Variants in NRXN1 observed in about 807,000 individuals in gnomAD.
NRXN1 encodes the protein neurexin 1, also known as neurexin-1.
Under a neutral mutation model 150.9 loss-of-function variants are expected in NRXN1, and 39 were observed. That is an observed-to-expected ratio of 0.26 (90% CI 0.20 to 0.34). NRXN1 has a LOEUF of 0.34. Ranked by LOEUF, NRXN1 falls within the 10% of genes least tolerant of loss-of-function variation. The probability of loss-of-function intolerance (pLI) is 1.00; values close to 1 mark genes in which losing one functional copy is unlikely to be tolerated. For synonymous variants in NRXN1, 924 were observed against 757.0 expected (o/e 1.22, Z -3.62); for missense variants, 1,815 against 1,949.9 (o/e 0.93, Z 1.30).
intron 5 of NRXN1, among the ~76,000 whole-genome samples, chr2:50,765,427 C>G (rs1029223657): frequency 6.6e-6 from 1 of 152,068 alleles, no homozygotes; most frequent in Non-Finnish European, 1.5e-5. Flanking sequence ...CTACGTGTTT[C>G]TCTATCTTCT....
intron 17 of NRXN1, among the ~76,000 whole-genome samples, chr2:50,446,363 C>T (rs1438168350): frequency 1.3e-5 from 2 of 150,646 alleles, no homozygotes; most frequent in Admixed American, 6.6e-5. Context: ...TCCTCCCTCC[C>T]TCTTTTCACT....
chr2:50,007,410 T>A (rs570316144), intron 21 of NRXN1, among the ~76,000 whole-genome samples: 11 of 152,188 alleles, frequency 7.2e-5, no homozygotes, highest in African/African-American at 2.2e-4. Context: ...GGCCCTGGTA[T>A]GTGATGTTCC....
At position 50,506,487 on chromosome 2, in the gene NRXN1, G is replaced by C. The variant is rs370394100; in HGVS notation, c.2497+8C>G. 2.5e-6 allele frequency: 4 copies of C among 1,611,330 alleles called. No individual in the cohort carries two copies. The highest frequency in any genetic ancestry group is 3.4e-6 in the Non-Finnish European group (4 of 1,178,380). On this transcript the variant is annotated splice_region_variant and intron_variant, in intron 13 of 22. Transcript: ENST00000401669. The stretch of plus-strand genomic sequence containing the variant: ...CATAGGAAAAGACAATGGGACAGAG[G>C]TGTTTACCTGTCATGGCCTGTTGGT...
chr2:50,691,403 A>T (rs1265775463), intron 5 of NRXN1, among the ~76,000 whole-genome samples: 1 of 152,204 alleles, frequency 6.6e-6, no homozygotes, highest in Non-Finnish European at 1.5e-5. Flanking sequence ...ATCTCATAAG[A>T]CATTTTGATA....
At chr2:50,153,394 A>G (rs868394763) in intron 18 of NRXN1, among the ~76,000 whole-genome samples, 2 of 146,118 alleles carry the variant, frequency 1.4e-5, no homozygotes, top group African/African-American at 5.1e-5. Context: ...TTTATATGTA[A>G]TTTTTTTTTT....
intron 2 of NRXN1, among the ~76,000 whole-genome samples, chr2:51,006,206 T>A (rs776375629): frequency 9.2e-5 from 14 of 151,802 alleles, no homozygotes; most frequent in Non-Finnish European, 2.1e-4. Flanking sequence ...AAGACCTACC[T>A]ATGCAGCCAT....
chr2:50,113,658 C>G (rs1258564107), intron 18 of NRXN1, among the ~76,000 whole-genome samples: 1 of 152,124 alleles, frequency 6.6e-6, no homozygotes, highest in Non-Finnish European at 1.5e-5. Context: ...AATGTATGTT[C>G]AATTCTAGAG....
At chr2:50,399,509 T>C (rs2103914647) in intron 17 of NRXN1, among the ~76,000 whole-genome samples, 1 of 152,162 alleles carries the variant, frequency 6.6e-6, no homozygotes, top group Admixed American at 6.5e-5. Context: ...TCCATGCTTC[T>C]TCCTATTGGG....
At chr2:50,509,247 A>G (rs1330742290) in intron 12 of NRXN1, among the ~76,000 whole-genome samples, 1 of 152,184 alleles carries the variant, frequency 6.6e-6, no homozygotes, top group Non-Finnish European at 1.5e-5. Flanking sequence ...TAACAACTTA[A>G]TTTCTCACTT....
At chr2:50,251,056 A>ATGTATTACATATGTAATTGTATAT (rs1191427815) in intron 17 of NRXN1, among the ~76,000 whole-genome samples, 14 of 151,546 alleles carry the variant, frequency 9.2e-5, no homozygotes, top group East Asian at 3.9e-4. Context: ...CATGTTGTAT[A>ATGTATTACATATGTAATTGTATAT]TGTATTACAT....
chr2:50,868,108 T>A (rs1677195671), intron 5 of NRXN1, among the ~76,000 whole-genome samples: 3 of 135,438 alleles, frequency 2.2e-5, no homozygotes. Flanking sequence ...TCAACCTATG[T>A]GTCCATCACT....
chr2:50,173,504 C>T (rs759062316), intron 18 of NRXN1, among the ~76,000 whole-genome samples: 11 of 152,104 alleles, frequency 7.2e-5, no homozygotes, highest in Non-Finnish European at 1.2e-4. Context: ...AAGACAACAA[C>T]GTTCATTCAG....
At chr2:50,694,397 C>G (rs898018852) in intron 5 of NRXN1, among the ~76,000 whole-genome samples, 1 of 152,008 alleles carries the variant, frequency 6.6e-6, no homozygotes, top group Non-Finnish European at 1.5e-5. Context: ...GGAATTAAAC[C>G]ATAAATCAGT....
chr2:50,622,870 G>A (rs1010244848), intron 6 of NRXN1, among the ~76,000 whole-genome samples: 1 of 152,150 alleles, frequency 6.6e-6, no homozygotes, highest in African/African-American at 2.4e-5. Flanking sequence ...GGGGTTGGGA[G>A]GAGGAGGGAG....
intron 12 of NRXN1, among the ~76,000 whole-genome samples, chr2:50,508,419 A>AG (rs895841760): frequency 4.0e-5 from 6 of 151,856 alleles, no homozygotes; most frequent in Non-Finnish European, 8.8e-5. Flanking sequence ...AGGATGAAAA[A>AG]AAAAAAACTC....
chr2:50,369,926 T>C (rs1469881230), intron 17 of NRXN1, among the ~76,000 whole-genome samples: 1 of 151,986 alleles, frequency 6.6e-6, no homozygotes, highest in Non-Finnish European at 1.5e-5. Context: ...TTAGAGAATG[T>C]AGAAGAAAGG....
At chr2:50,373,711 G>GAAAGAAAGAAAGAAAGAAAGAA (rs71404950) in intron 17 of NRXN1, among the ~76,000 whole-genome samples, 75 of 86,290 alleles carry the variant, frequency 8.7e-4, no homozygotes, top group South Asian at 1.9e-3. Flanking sequence ...AAGAAAGAAA[G>GAAAGAAAGAAAGAAAGAAAGAA]AGAAAGAAAG....
intron 17 of NRXN1, among the ~76,000 whole-genome samples, chr2:50,328,631 G>A (rs1207042775): frequency 1.3e-5 from 2 of 152,116 alleles, no homozygotes; most frequent in Non-Finnish European, 2.9e-5. Flanking sequence ...AGCTACTCAG[G>A]AGGCCGAGGC....
rs752126111 is a variant in NRXN1, at chr2:51,028,186, C to T, written c.88G>A (p.Gly30Arg). Reference protein sequence around the residue: ...LLGCWAELGSGLEFPGAEGQW... With the variant: ...LLGCWAELGSRLEFPGAEGQW... ...CCCTCGGCGCCCGGAAACTCCAGCC[C>T]GCTGCCCAGCTCCGCCCAGCAGCCC... The change falls in exon 2 of 23, where the codon GGG becomes AGG. Residue 30 changes from glycine to arginine, a missense_variant. By Grantham distance (125) the Gly-to-Arg change is moderately radical. Around this residue, in one of 6 missense-constraint regions of NRXN1, gnomAD observed 554 missense variants for 478.8 expected, o/e 1.16. Transcript: ENST00000401669. 1.3e-6 allele frequency: 2 copies of T among 1,506,134 alleles called. No individual in the cohort carries two copies. Among genetic ancestry groups the T allele is most frequent in the South Asian group, 1.3e-5 (1 of 76,492 alleles). The allele number at this position is 1,506,134 out of a possible 1,614,324, so 93.3% of individuals were successfully genotyped here. A position where few individuals can be genotyped will look rare whatever the true frequency, so the allele number is the denominator to read the frequency against.
Sources: allele counts gnomAD v4.1 joint callset (sites outside exome capture counted in the v4.1 genomes callset), GRCh38; gene constraint gnomAD v4.1.1; regional missense constraint gnomAD v4.1.1; transcripts MANE v1.5; gene names NCBI Gene and HGNC (gene_info 2026-07-23, HGNC 2026-07-21).